Variants in SLC2A13 observed in about 807,000 individuals in gnomAD.
The protein encoded by SLC2A13 is proton myo-inositol cotransporter.
A neutral mutation model predicts 64.4 loss-of-function variants in SLC2A13; 32 were observed. The ratio of observed to expected loss-of-function variants is 0.50; its 90% CI spans 0.37 to 0.67. The LOEUF (loss-of-function observed/expected upper bound fraction) is 0.67. Among genes scored for constraint, SLC2A13 ranks in the 30% least tolerant of loss-of-function variants. SLC2A13 has a pLI of 0.00. For missense variants in SLC2A13, 743 were observed against 829.2 expected, an observed-to-expected ratio of 0.90 and a Z score of 1.28; for synonymous variants, 338 against 327.1, an observed-to-expected ratio of 1.03 and a Z score of -0.36.
At chr12:39,877,290 A>G (rs1565514821) in intron 4 of SLC2A13, among the ~76,000 whole-genome samples, 1 of 152,188 alleles carries the variant, frequency 6.6e-6, no homozygotes, top group Admixed American at 6.5e-5. Context: ...GAGCAAAGGT[A>G]TGTCTTACAC....
intron 1 of SLC2A13, among the ~76,000 whole-genome samples, chr12:40,085,361 C>G (rs191189128): frequency 3.7e-4 from 56 of 152,192 alleles, no homozygotes; most frequent in Non-Finnish European, 2.1e-4. Flanking sequence ...TTCCAGAGAC[C>G]CAAATTTGCA....
intron 3 of SLC2A13, among the ~76,000 whole-genome samples, chr12:39,996,062 T>C (rs1947224252): frequency 6.6e-6 from 1 of 152,226 alleles, no homozygotes; most frequent in African/African-American, 2.4e-5. Flanking sequence ...TGGAACTCTC[T>C]AGAGACTTGT....
intron 7 of SLC2A13, among the ~76,000 whole-genome samples, chr12:39,774,316 C>T (rs4238076): frequency 0.99 from 150,297 of 152,276 alleles, 74,180 homozygotes; most frequent in East Asian, 1. Context: ...TTCTAACTTC[C>T]GGGCATCCCT....
chr12:39,782,625 T>C (rs1474662418), intron 7 of SLC2A13, among the ~76,000 whole-genome samples: 2 of 152,142 alleles, frequency 1.3e-5, no homozygotes, highest in African/African-American at 4.8e-5. Context: ...GGGGCATTGC[T>C]GAAAAGATAC....
chr12:39,826,996 T>A (rs1461687123), intron 7 of SLC2A13, among the ~76,000 whole-genome samples: 1 of 148,568 alleles, frequency 6.7e-6, no homozygotes, highest in African/African-American at 2.5e-5. Flanking sequence ...TTACCATTAC[T>A]TTTAATGGCA....
At chr12:39,874,450 T>G (rs552936803) in intron 4 of SLC2A13, among the ~76,000 whole-genome samples, 8 of 151,672 alleles carry the variant, frequency 5.3e-5, no homozygotes, top group Non-Finnish European at 1.2e-4. Context: ...CCCATCTCTA[T>G]TAAAAATACA....
At chr12:39,959,285 G>T (rs1218316246) in intron 3 of SLC2A13, among the ~76,000 whole-genome samples, 1 of 152,186 alleles carries the variant, frequency 6.6e-6, no homozygotes, top group Admixed American at 6.5e-5. Flanking sequence ...TGCTATTGAT[G>T]AATTCAACCC....
chr12:39,829,111 C>T (rs1490605790), intron 7 of SLC2A13, among the ~76,000 whole-genome samples: 3 of 151,854 alleles, frequency 2.0e-5, no homozygotes, highest in Admixed American at 2.0e-4. Context: ...GAATTTAAAA[C>T]ACAAAATAGA....
chr12:40,062,322 A>C, intron 1 of SLC2A13, among the ~76,000 whole-genome samples: 1 of 152,044 alleles, frequency 6.6e-6, no homozygotes, highest in Non-Finnish European at 1.5e-5. Flanking sequence ...CTGAGCAGAA[A>C]TCAAGATTAT....
chr12:39,858,345 T>C (rs1943662462), intron 6 of SLC2A13, among the ~76,000 whole-genome samples: 1 of 152,216 alleles, frequency 6.6e-6, no homozygotes, highest in African/African-American at 2.4e-5. Flanking sequence ...ACATACAACA[T>C]TGTTTTCTAC....
intron 5 of SLC2A13, 108 bp from the exon 6 acceptor site, chr12:39,864,990 T>A: frequency 9.6e-7 from 1 of 1,045,874 alleles, no homozygotes; most frequent in Non-Finnish European, 1.3e-6. Flanking sequence ...CAAAAACTCC[T>A]GAAAAAAAAA....
intron 4 of SLC2A13, among the ~76,000 whole-genome samples, chr12:39,895,284 A>G (rs1944714025): frequency 6.6e-6 from 1 of 151,664 alleles, no homozygotes; most frequent in South Asian, 2.1e-4. Context: ...AGGACAGGAG[A>G]TTGAGACCAT....
intron 2 of SLC2A13, 71 bp downstream of exon 2, chr12:40,047,980 G>A: frequency 7.1e-7 from 1 of 1,412,806 alleles, no homozygotes; most frequent in African/African-American, 1.4e-5. Flanking sequence ...TTTTGACTAT[G>A]ATTTCTCAAT....
At chr12:40,069,048 T>G (rs532267341) in intron 1 of SLC2A13, among the ~76,000 whole-genome samples, 3 of 152,270 alleles carry the variant, frequency 2.0e-5, no homozygotes, top group African/African-American at 7.2e-5. Flanking sequence ...TTTATGCATC[T>G]CATTTGTGCT....
At chr12:40,065,495 G>A (rs1400325046) in intron 1 of SLC2A13, among the ~76,000 whole-genome samples, 5 of 152,056 alleles carry the variant, frequency 3.3e-5, no homozygotes, top group Non-Finnish European at 7.4e-5. Context: ...TGAGGCAAGA[G>A]GATCACTTGA....
intron 4 of SLC2A13, among the ~76,000 whole-genome samples, chr12:39,876,268 C>T (rs748780777): frequency 2.6e-5 from 4 of 152,134 alleles, no homozygotes; most frequent in Admixed American, 6.6e-5. Flanking sequence ...CTGACTCACA[C>T]AAAACAGAAA....
chr12:39,842,829 T>C (rs367713255), intron 6 of SLC2A13, among the ~76,000 whole-genome samples: 1 of 152,020 alleles, frequency 6.6e-6, no homozygotes, highest in East Asian at 1.9e-4. Flanking sequence ...CTCTATGGAT[T>C]TGCTATTCTG....
intron 4 of SLC2A13, among the ~76,000 whole-genome samples, chr12:39,926,200 T>A (rs1412703269): frequency 6.6e-6 from 1 of 152,062 alleles, no homozygotes; most frequent in African/African-American, 2.4e-5. Context: ...TAGAAAAATA[T>A]AAATAAATAA....
chr12:39,950,096 A>T (rs1427614279), intron 4 of SLC2A13: 1 of 152,230 alleles, frequency 6.6e-6, no homozygotes, highest in African/African-American at 2.4e-5. Flanking sequence ...TCAAATCCAC[A>T]AAGTGTGTGA....
Sources: gnomAD v4.1 joint callset for allele counts (sites outside exome capture counted in the v4.1 genomes callset) on GRCh38, gnomAD v4.1.1 for gene constraint, MANE v1.5 for transcripts, NCBI Gene and HGNC (gene_info 2026-07-23, HGNC 2026-07-21) for gene names.